The following CALCRL variants were observed in gnomAD, a reference collection of about 807,000 sequenced individuals.
CALCRL encodes calcitonin gene-related peptide type 1 receptor.
A neutral mutation model predicts 60.4 loss-of-function variants in CALCRL; 27 were observed. The ratio of observed to expected loss-of-function variants is 0.45; its 90% confidence interval spans 0.33 to 0.62. The LOEUF (loss-of-function observed/expected upper bound fraction) is 0.62, where lower values mean the gene tolerates loss of function less well. Ranked by LOEUF, CALCRL falls within the 20% of genes least tolerant of loss-of-function variation. The probability of loss-of-function intolerance (pLI) is 0.03; values close to 1 mark genes in which losing one functional copy is unlikely to be tolerated. For missense variants in CALCRL, 424 were observed against 540.7 expected (o/e 0.78, Z 2.14); for synonymous variants, 190 against 182.6 (o/e 1.04, Z -0.33).
chr2:187,409,777 G>C lies in CALCRL; in HGVS notation c.-292-22021C>G, dbSNP rs1385752263. ...TTAAGGATGGTTCCCCAGAGGAAATGGTATTTTACTCACTTGATATCTGAA... is the reference window on the plus strand; with the variant it reads ...TTAAGGATGGTTCCCCAGAGGAAATCGTATTTTACTCACTTGATATCTGAA... On this transcript the variant is annotated intron_variant, in intron 1 of 14. Coordinates refer to ENST00000392370, the MANE Select transcript of CALCRL (RefSeq NM_005795.6). Among the ~76,000 whole-genome samples, 3 of 152,266 alleles carry C rather than the reference G, an allele frequency of 2.0e-5. No individual in the cohort carries two copies. The East Asian group carries it at 5.8e-4, about 29-fold the overall frequency.
intron 1 of CALCRL, among the ~76,000 whole-genome samples, chr2:187,412,756 C>G (rs1350622543): frequency 6.6e-6 from 1 of 152,128 alleles, no homozygotes; most frequent in Non-Finnish European, 1.5e-5. Context: ...TAATCTAATA[C>G]AAAATGGAAT....
intron 4 of CALCRL, among the ~76,000 whole-genome samples, chr2:187,384,654 AGGAAT>A (rs1394442215): frequency 6.6e-6 from 1 of 152,204 alleles, no homozygotes; most frequent in African/African-American, 2.4e-5. Context: ...AAATGCGGAC[AGGAAT>A]GTAGTCTTGT....
intron 14 of CALCRL, among the ~76,000 whole-genome samples, chr2:187,351,561 ATTTC>A (rs1490849545): frequency 6.6e-6 from 1 of 151,774 alleles, no homozygotes; most frequent in Non-Finnish European, 1.5e-5. Flanking sequence ...AGATGATCCT[ATTTC>A]TTATTTCCTA....
At chr2:187,403,945 C>A (rs184500921) in intron 1 of CALCRL, among the ~76,000 whole-genome samples, 1 of 151,874 alleles carries the variant, frequency 6.6e-6, no homozygotes, top group African/African-American at 2.4e-5. Flanking sequence ...TGAGAACTGC[C>A]GCTTAAGAAC....
chr2:187,415,533 G>C (rs1482911959), intron 1 of CALCRL: 2 of 422,830 alleles, frequency 4.7e-6, no homozygotes, highest in Non-Finnish European at 8.7e-6. Flanking sequence ...ATCTAACAAT[G>C]TTTGGGACAG....
intron 1 of CALCRL, among the ~76,000 whole-genome samples, chr2:187,443,161 A>C (rs1052878122): frequency 6.6e-6 from 1 of 151,848 alleles, no homozygotes; most frequent in Non-Finnish European, 1.5e-5. Context: ...AAGGATGGTC[A>C]CTGTAACAAC....
At chr2:187,382,237 A>G (rs1415269633) in intron 5 of CALCRL, among the ~76,000 whole-genome samples, 1 of 152,198 alleles carries the variant, frequency 6.6e-6, no homozygotes, top group Non-Finnish European at 1.5e-5. Context: ...TGGATTTTAG[A>G]GACACAAAGT....
At chr2:187,437,427 G>A (rs780169868) in intron 1 of CALCRL, among the ~76,000 whole-genome samples, 4 of 151,960 alleles carry the variant, frequency 2.6e-5, no homozygotes, top group South Asian at 2.1e-4. Context: ...TAGTAGAGAC[G>A]GGGTTTCTTT....
chr2:187,420,476 T>A (rs574790792), intron 1 of CALCRL, among the ~76,000 whole-genome samples: 23 of 151,990 alleles, frequency 1.5e-4, no homozygotes, highest in East Asian at 7.7e-4. Context: ...AAGAAAAAAA[T>A]TTTTTTTAAG....
At chr2:187,439,804 T>C (rs537833720) in intron 1 of CALCRL, among the ~76,000 whole-genome samples, 9 of 152,284 alleles carry the variant, frequency 5.9e-5, no homozygotes, top group African/African-American at 1.7e-4. Context: ...TGTGCGTCTC[T>C]TTCTTTAAAT....
At chr2:187,408,344 C>T (rs914015347) in intron 1 of CALCRL, among the ~76,000 whole-genome samples, 1 of 151,768 alleles carries the variant, frequency 6.6e-6, no homozygotes, top group Non-Finnish European at 1.5e-5. Context: ...CTTCCAATCC[C>T]TTATTAATAA....
Position 187,380,460 on chromosome 2 carries a change from G to C in CALCRL, c.408+7C>G, listed in dbSNP as rs1687938736. 6.7e-7 allele frequency: 1 copy of C among 1,502,758 alleles called. No homozygotes were observed. The highest frequency in any genetic ancestry group is 1.7e-5 in the Admixed American group (1 of 59,560). 93.1% of individuals were successfully genotyped at this position (1,502,758 alleles called of 1,614,324 possible). ...AAGTTAAATTTCAATTCAGAATTAT[G>C]ACATACCTTCACTTTCTCGTGGGTG... is the stretch of plus-strand genomic sequence containing the variant. On this transcript the variant is annotated splice_region_variant and intron_variant, in intron 7 of 14. Transcript: ENST00000392370.
chr2:187,424,329 C>G (rs75561293), intron 1 of CALCRL, among the ~76,000 whole-genome samples: 67 of 152,056 alleles, frequency 4.4e-4, no homozygotes, highest in African/African-American at 1.6e-3. Flanking sequence ...GAGCTATCTA[C>G]AGCAATGTGA....
chr2:187,406,535 G>T (rs1218727236), intron 1 of CALCRL, among the ~76,000 whole-genome samples: 2 of 151,786 alleles, frequency 1.3e-5, no homozygotes, highest in Non-Finnish European at 2.9e-5. Context: ...GAAAATAAAA[G>T]AAAAGGAAGC....
At chr2:187,405,177 G>A (rs1689063380) in intron 1 of CALCRL, among the ~76,000 whole-genome samples, 1 of 151,844 alleles carries the variant, frequency 6.6e-6, no homozygotes, top group Non-Finnish European at 1.5e-5. Flanking sequence ...AGTAAGTGGT[G>A]GTCTCTCCCC....
At chr2:187,416,429 T>C (rs1689609777) in intron 1 of CALCRL, among the ~76,000 whole-genome samples, 1 of 152,202 alleles carries the variant, frequency 6.6e-6, no homozygotes, top group East Asian at 1.9e-4. Flanking sequence ...TAGATCCAAA[T>C]AGATACAAGA....
intron 1 of CALCRL, among the ~76,000 whole-genome samples, chr2:187,394,608 T>C (rs948935189): frequency 3.3e-5 from 5 of 152,014 alleles, no homozygotes; most frequent in Non-Finnish European, 7.4e-5. Context: ...GACAATCCCA[T>C]TAGCTAGAAG....
In CALCRL at chr2:187,387,721, T is replaced by C. The variant is rs1688265696; in HGVS notation, c.-257A>G. On this transcript the variant is annotated 5_prime_UTR_variant, in exon 2 of 15. Coordinates refer to ENST00000392370, the MANE Select transcript of CALCRL (RefSeq NM_005795.6). ...TTTTCTCTTGGATCATATTTGACAT[T>C]GTCTTTAAGAATTTCTTAAATTCAG... 3 of 397,160 alleles carry C rather than the reference T, an allele frequency of 7.6e-6. No homozygotes were observed. The East Asian group carries it at 1.1e-4, about 14-fold the overall frequency. The allele number at this position is 397,160 out of a possible 1,614,324, so 24.6% of individuals were successfully genotyped here. A position where few individuals can be genotyped will look rare whatever the true frequency, so the allele number is the denominator to read the frequency against.
chr2:187,388,881 G>C (rs1688314465), intron 1 of CALCRL, among the ~76,000 whole-genome samples: 1 of 151,968 alleles, frequency 6.6e-6, no homozygotes, highest in Admixed American at 6.6e-5. Flanking sequence ...GCAAATCACT[G>C]TTTGGTGTTT....
Sources: allele counts gnomAD v4.1 joint callset (sites outside exome capture counted in the v4.1 genomes callset), GRCh38; gene constraint gnomAD v4.1.1; transcripts MANE v1.5; gene names NCBI Gene and HGNC (gene_info 2026-07-23, HGNC 2026-07-21).